The following TLL1 variants were observed in gnomAD, a reference collection of about 807,000 sequenced individuals.
TLL1 encodes tolloid-like protein 1.
A neutral mutation model predicts 128.2 loss-of-function variants in TLL1; 49 were observed. That is an observed-to-expected ratio of 0.38 (90% CI 0.30 to 0.48). The LOEUF (loss-of-function observed/expected upper bound fraction) is 0.48, where lower values mean the gene tolerates loss of function less well. Ranked by LOEUF, TLL1 falls within the 20% of genes least tolerant of loss-of-function variation. The pLI is 0.96. For synonymous variants in TLL1, 454 were observed against 418.8 expected, an observed-to-expected ratio of 1.08 and a Z score of -1.03; for missense variants, 1,123 against 1,242.0, an observed-to-expected ratio of 0.90 and a Z score of 1.44.
chr4:166,039,157 G>A (rs1348036123), intron 9 of TLL1, among the ~76,000 whole-genome samples, 182 bp from the exon 10 acceptor site: 2 of 152,022 alleles, frequency 1.3e-5, no homozygotes, highest in Non-Finnish European at 1.5e-5. Context: ...TAAAGAAAAT[G>A]GGAAAACATG....
chr4:165,912,194 CT>C (rs1368371512), intron 1 of TLL1, among the ~76,000 whole-genome samples: 1 of 152,130 alleles, frequency 6.6e-6, no homozygotes, highest in Non-Finnish European at 1.5e-5. Flanking sequence ...AGACAATAGT[CT>C]TTCTGTTGGA....
intron 1 of TLL1, among the ~76,000 whole-genome samples, chr4:165,948,628 G>C (rs913813666): frequency 1.3e-5 from 2 of 152,130 alleles, no homozygotes; most frequent in Non-Finnish European, 2.9e-5. Flanking sequence ...GGCTGATTAT[G>C]CTAGCCCAGG....
rs1214789233 is a variant in TLL1, at chr4:166,074,898, G to T, written c.2209G>T (p.Asp737Tyr). 1 of 1,613,466 alleles carries T rather than the reference G, an allele frequency of 6.2e-7. No homozygotes were observed. Among genetic ancestry groups the T allele is most frequent in the South Asian group, 1.1e-5 (1 of 91,068 alleles). ...GCTAGACAAAGATGAATGCTCTAAG[G>T]ATAATGGTGGATGTCAGCACGAATG... ...FFSDKDECSK[D>Y]NGGCQHECVN... The change falls in exon 17 of 21, where the codon GAT (aspartate) becomes TAT (tyrosine). Residue 737 changes from aspartate (D) to tyrosine (Y), a missense_variant. This residue lies in a region of TLL1 where 634 missense variants were observed against 672.4 expected (regional missense o/e 0.94). Transcript: ENST00000061240.
At chr4:165,894,739 T>A (rs575152957) in intron 1 of TLL1, among the ~76,000 whole-genome samples, 1 of 152,052 alleles carries the variant, frequency 6.6e-6, no homozygotes, top group South Asian at 2.1e-4. Context: ...TGGTATTAGC[T>A]GGAGATTTTT....
At chr4:166,016,119 A>G (rs988799755) in intron 8 of TLL1, among the ~76,000 whole-genome samples, 1 of 152,034 alleles carries the variant, frequency 6.6e-6, no homozygotes, top group Non-Finnish European at 1.5e-5. Flanking sequence ...AGTTGCATTC[A>G]TATTTACGTA....
intron 17 of TLL1, among the ~76,000 whole-genome samples, 172 bp from the exon 18 acceptor site, chr4:166,077,731 C>G (rs555137323): frequency 6.6e-6 from 1 of 152,104 alleles, no homozygotes; most frequent in Non-Finnish European, 1.5e-5. Context: ...CCTGATTATA[C>G]TCAGCAACGT....
In TLL1 at chr4:165,900,596, A is replaced by G. The variant is rs1217521151; in HGVS notation, c.169+26523A>G. On this transcript the variant is annotated intron_variant, in intron 1 of 20. Transcript: ENST00000061240. ...CTTCTGGCTTGCAGGGTTTCTGCAG[A>G]GAGATCCTCTGTTATTCTGATGGAC... Among the ~76,000 whole-genome samples, 4 of 152,230 alleles carry G rather than the reference A, an allele frequency of 2.6e-5. No homozygotes were observed. In the East Asian group the frequency reaches 5.8e-4, roughly 22 times the overall value.
Position 166,103,640 on chromosome 4 carries a change from ATAT to A in TLL1, c.*2769_*2771del, listed in dbSNP as rs1742383952. On this transcript the variant is annotated 3_prime_UTR_variant, in exon 21 of 21. Transcript: ENST00000061240. ...ATCATGTCAAGTATCAGTTTACCAC[ATAT>A]TATTTTTATATTAATTCAACATTTG... The A allele has an allele frequency of 6.6e-6, 1 of 151,848 alleles. No individual in the cohort carries two copies. Among genetic ancestry groups the A allele is most frequent in the Non-Finnish European group, 1.5e-5 (1 of 67,854 alleles). The allele number at this position is 151,848 out of a possible 1,614,324, so 9.4% of individuals were successfully genotyped here. A position where few individuals can be genotyped will look rare whatever the true frequency, so the allele number is the denominator to read the frequency against.
At chr4:165,942,279 T>A (rs577295117) in intron 1 of TLL1, among the ~76,000 whole-genome samples, 5,422 of 151,828 alleles carry the variant, frequency 0.036, 293 homozygotes, top group African/African-American at 0.12. Context: ...ACCCTCCTTT[T>A]TTTTTTTTTC....
intron 7 of TLL1, among the ~76,000 whole-genome samples, chr4:166,008,960 T>C (rs1367301296): frequency 1.3e-5 from 2 of 151,488 alleles, no homozygotes; most frequent in Non-Finnish European, 3.0e-5. Context: ...GAAACCTTAA[T>C]ACTTGGACAC....
At chr4:165,894,330 C>T (rs1302171256) in intron 1 of TLL1, among the ~76,000 whole-genome samples, 1 of 152,096 alleles carries the variant, frequency 6.6e-6, no homozygotes, top group Non-Finnish European at 1.5e-5. Context: ...GAACACACTA[C>T]AGGGGAACAT....
At chr4:165,928,897 GA>G (rs1489073366) in intron 1 of TLL1, among the ~76,000 whole-genome samples, 3 of 152,148 alleles carry the variant, frequency 2.0e-5, no homozygotes, top group Admixed American at 1.3e-4. Context: ...AAAAGTGTCT[GA>G]TTTTTTTTCC....
intron 1 of TLL1, among the ~76,000 whole-genome samples, chr4:165,888,551 A>C (rs186308897): frequency 6.7e-4 from 101 of 151,658 alleles, no homozygotes; most frequent in Admixed American, 1.6e-3. Context: ...TACACTGGAA[A>C]ATATTTTTTT....
At chr4:165,902,276 G>C (rs980071599) in intron 1 of TLL1, among the ~76,000 whole-genome samples, 3 of 151,030 alleles carry the variant, frequency 2.0e-5, no homozygotes, top group Non-Finnish European at 2.9e-5. Flanking sequence ...TGGCGTTCCA[G>C]GTGCCACCAG....
intron 12 of TLL1, among the ~76,000 whole-genome samples, chr4:166,047,344 T>G (rs186709130): frequency 5.1e-4 from 78 of 151,820 alleles, no homozygotes; most frequent in African/African-American, 1.8e-3. Flanking sequence ...TTTTGTATTT[T>G]TAGTAGAGAC....
intron 6 of TLL1, among the ~76,000 whole-genome samples, chr4:166,006,127 C>T (rs1318211425): frequency 2.6e-5 from 4 of 151,788 alleles, no homozygotes; most frequent in Non-Finnish European, 5.9e-5. Flanking sequence ...TAAGCACAAA[C>T]TTTGGCCTCA....
rs192031695 is a variant in TLL1, at chr4:166,071,988, G to A, written c.2189-2890G>A. ...CCAAAATTTTTTTAGTCTGCATGAT[G>A]TAAAACATCTGGATTATTTTGAGTA... On this transcript the variant is annotated intron_variant, in intron 16 of 20. Coordinates refer to ENST00000061240, the MANE Select transcript of TLL1 (RefSeq NM_012464.5). Among the ~76,000 whole-genome samples the A allele has an allele frequency of 3.2e-4, 49 of 152,026 alleles. 1 individual carries two copies. Among genetic ancestry groups the A allele is most frequent in the Admixed American group, 1.2e-3 (19 of 15,216 alleles).
In TLL1 at chr4:166,000,014, G is replaced by C. The variant is rs542200644; in HGVS notation, c.633-3377G>C. ...TTCTACCAAACCAAGGCAAAAGTAGGAAGTAGCAGATTTTGATTTACCTGA... is the reference window on the plus strand; with the variant it reads ...TTCTACCAAACCAAGGCAAAAGTAGCAAGTAGCAGATTTTGATTTACCTGA... On this transcript the variant is annotated intron_variant, in intron 5 of 20. Coordinates refer to ENST00000061240, the MANE Select transcript of TLL1 (RefSeq NM_012464.5). Among the ~76,000 whole-genome samples the C allele has an allele frequency of 5.6e-4, 85 of 152,264 alleles. 2 individuals carry two copies. The South Asian group carries it at 0.017, about 31-fold the overall frequency.
chr4:166,008,625 T>G (rs1036005739), intron 7 of TLL1, among the ~76,000 whole-genome samples: 2 of 151,612 alleles, frequency 1.3e-5, no homozygotes, highest in African/African-American at 4.8e-5. Context: ...AATTATGTCA[T>G]TAATGACTTA....
Sources: allele counts gnomAD v4.1 joint callset (sites outside exome capture counted in the v4.1 genomes callset), GRCh38; gene constraint gnomAD v4.1.1; regional missense constraint gnomAD v4.1.1; transcripts MANE v1.5; gene names NCBI Gene and HGNC (gene_info 2026-07-23, HGNC 2026-07-21).